FAAH2: variants seen among roughly 807,000 people sequenced by gnomAD.
FAAH2 encodes the protein fatty acid amide hydrolase 2.
FAAH2 carries 60 observed loss-of-function variants against 36.9 expected under a neutral mutation model. The observed-to-expected ratio is 1.63, with a 90% confidence interval of 1.32 to 2.02. The LOEUF is 2.02. Among genes scored for constraint, FAAH2 ranks in the 30% most tolerant of loss-of-function variants. The probability of loss-of-function intolerance (pLI) is 0.00; values close to 1 mark genes in which losing one functional copy is unlikely to be tolerated. For synonymous variants in FAAH2, 214 were observed against 143.8 expected (o/e 1.49, Z -3.49); for missense variants, 689 against 397.5 (o/e 1.73, Z -6.23).
intron 10 of FAAH2, 93 bp downstream of exon 10, chrX:57,448,811 G>A (rs762792494): frequency 2.0e-4 from 178 of 874,966 alleles, no homozygotes; most frequent in Non-Finnish European, 1.4e-4. Context: ...AGTTGGACAA[G>A]TTTTAAACAT....
intron 5 of FAAH2, among the ~76,000 whole-genome samples, chrX:57,350,136 C>T (rs1031337686): frequency 6.3e-5 from 7 of 110,985 alleles, no homozygotes; most frequent in South Asian, 7.5e-4. Context: ...ACCCTGCTGA[C>T]GGTGAATACT....
intron 10 of FAAH2, among the ~76,000 whole-genome samples, chrX:57,469,203 T>C (rs1187702962): frequency 1.8e-5 from 2 of 111,578 alleles, no homozygotes; most frequent in African/African-American, 6.5e-5. Flanking sequence ...ACGAGCAAAA[T>C]AACCAGCTAA....
At chrX:57,221,594 A>T in the FAAH2 span, among the ~76,000 whole-genome samples, 3 of 111,480 alleles carry the variant, frequency 2.7e-5, no homozygotes, top group Non-Finnish European at 5.7e-5. Flanking sequence ...GATGGAGCTT[A>T]TCACTTAGTC....
chrX:57,366,156 T>C (rs990329643), intron 5 of FAAH2, among the ~76,000 whole-genome samples: 1 of 112,182 alleles, frequency 8.9e-6, no homozygotes, highest in Non-Finnish European at 1.9e-5. Flanking sequence ...TTCTTTCTTT[T>C]TTCCATCTGT....
At chrX:57,206,538 G>T in the FAAH2 span, among the ~76,000 whole-genome samples, 1 of 112,210 alleles carries the variant, frequency 8.9e-6, no homozygotes, top group Admixed American at 9.4e-5. Context: ...TTTAAGAGTA[G>T]GTTCAATTGC....
intron 10 of FAAH2, among the ~76,000 whole-genome samples, chrX:57,465,282 A>C (rs2057029420): frequency 9.0e-6 from 1 of 111,619 alleles, no homozygotes; most frequent in Admixed American, 9.6e-5. Context: ...ATACTAATAT[A>C]TGCATATGGA....
At chrX:57,324,335 T>C (rs1001206661) in intron 3 of FAAH2, among the ~76,000 whole-genome samples, 1 of 112,105 alleles carries the variant, frequency 8.9e-6, no homozygotes, top group Non-Finnish European at 1.9e-5. Context: ...TCTTTTTTGG[T>C]TCCACATGAA....
In FAAH2 at chrX:57,481,704, G is replaced by A. The variant is rs773038767; in HGVS notation, c.1424-7053G>A. Among the ~76,000 whole-genome samples the A allele has an allele frequency of 6.2e-5, 7 of 112,069 alleles. No individual in the cohort carries two copies. The East Asian group carries it at 8.5e-4, about 14-fold the overall frequency. The stretch of plus-strand genomic sequence containing the variant: ...CCCTGTTGGGAGGTCTCTCCCAGTC[G>A]GATGCACAAGGTCAGGGACCCAGCT... On this transcript the variant is annotated intron_variant, in intron 10 of 10. Transcript: ENST00000374900.
intron 2 of FAAH2, among the ~76,000 whole-genome samples, chrX:57,299,450 G>A (rs1851160548): frequency 1.8e-5 from 2 of 111,409 alleles, no homozygotes; most frequent in South Asian, 3.8e-4. Flanking sequence ...TTGATGGGAT[G>A]TATCTCAAAA....
the FAAH2 span, among the ~76,000 whole-genome samples, chrX:57,194,001 C>T: frequency 5.4e-5 from 6 of 110,596 alleles, no homozygotes; most frequent in Non-Finnish European, 9.5e-5. Context: ...TTAAATGTGT[C>T]TTTGTCTGGT....
the FAAH2 span, among the ~76,000 whole-genome samples, chrX:57,216,624 G>A: frequency 3.5e-5 from 2 of 57,795 alleles, no homozygotes; most frequent in Non-Finnish European, 7.5e-5. Flanking sequence ...ATATATATAC[G>A]TATATATATA....
the FAAH2 span, among the ~76,000 whole-genome samples, chrX:57,192,341 T>A: frequency 9.0e-6 from 1 of 111,698 alleles, no homozygotes; most frequent in Non-Finnish European, 1.9e-5. Context: ...TTTGAATAGT[T>A]TTTTTTTGTG....
the FAAH2 span, among the ~76,000 whole-genome samples, chrX:57,152,761 T>G: frequency 0.011 from 1,229 of 111,505 alleles, 20 homozygotes; most frequent in African/African-American, 0.038. Flanking sequence ...GTGCCCGGTG[T>G]GCTGCACCCA....
At chrX:57,420,364 C>T (rs2055982923) in intron 7 of FAAH2, among the ~76,000 whole-genome samples, 1 of 111,464 alleles carries the variant, frequency 9.0e-6, no homozygotes, top group Non-Finnish European at 1.9e-5. Flanking sequence ...ATTGAATGTT[C>T]TTCCATTTGT....
At chrX:57,488,443 A>G (rs914709626) in intron 10 of FAAH2, among the ~76,000 whole-genome samples, 2 of 111,567 alleles carry the variant, frequency 1.8e-5, no homozygotes, top group Non-Finnish European at 3.8e-5. Flanking sequence ...ACTTTAGGCT[A>G]TTATTCACAC....
the FAAH2 span, chrX:57,134,886 C>G: frequency 1.8e-5 from 2 of 111,779 alleles, no homozygotes; most frequent in Non-Finnish European, 3.8e-5. Flanking sequence ...TGGGCATAAA[C>G]TTGGCTCCTG....
the FAAH2 span, among the ~76,000 whole-genome samples, chrX:57,195,294 TA>T: frequency 2.7e-5 from 3 of 111,840 alleles, no homozygotes; most frequent in Non-Finnish European, 5.7e-5. Context: ...ATTTTTAAAT[TA>T]TCGCCATTCT....
intron 3 of FAAH2, among the ~76,000 whole-genome samples, chrX:57,328,259 G>T (rs2146984761): frequency 9.0e-6 from 1 of 111,693 alleles, no homozygotes; most frequent in African/African-American, 3.3e-5. Flanking sequence ...ACTTGGGGGT[G>T]CCTCCCAGTT....
At chrX:57,178,234 A>G in the FAAH2 span, among the ~76,000 whole-genome samples, 6 of 112,259 alleles carry the variant, frequency 5.3e-5, no homozygotes, top group African/African-American at 1.9e-4. Flanking sequence ...TCTAGTAGTA[A>G]TGTACTGGGC....
Sources: allele counts gnomAD v4.1 joint callset (sites outside exome capture counted in the v4.1 genomes callset), GRCh38; gene constraint gnomAD v4.1.1; transcripts MANE v1.5; gene names NCBI Gene and HGNC (gene_info 2026-07-23, HGNC 2026-07-21).